Variants in ACVRL1 observed in about 807,000 individuals in gnomAD.
The protein encoded by ACVRL1 is activin receptor type-1-like.
A neutral mutation model predicts 51.9 loss-of-function variants in ACVRL1; 20 were observed. That is an observed-to-expected ratio of 0.39 (90% CI 0.27 to 0.56). ACVRL1 has a LOEUF of 0.56. Among genes scored for constraint, ACVRL1 ranks in the 20% least tolerant of loss-of-function variants. ACVRL1 has a pLI of 0.67. For missense variants in ACVRL1, 451 were observed against 670.3 expected, an observed-to-expected ratio of 0.67 and a Z score of 3.61; for synonymous variants, 288 against 280.9, an observed-to-expected ratio of 1.03 and a Z score of -0.25.
intron 8 of ACVRL1, 131 bp from the exon 9 acceptor site, chr12:51,918,854 C>T (rs1251379808): frequency 7.9e-7 from 1 of 1,263,748 alleles, no homozygotes; most frequent in Non-Finnish European, 1.2e-6. Context: ...TTATACTGTC[C>T]CTCTCAGGGG....
intron 4 of ACVRL1, 74 bp from the exon 5 acceptor site, chr12:51,913,900 G>A (rs1592222822): frequency 1.3e-6 from 2 of 1,575,582 alleles, no homozygotes; most frequent in Non-Finnish European, 1.7e-6. Flanking sequence ...GACCCAGCAG[G>A]TCCCAGGTCG....
At chr12:51,920,016 G>T (rs1022371532) in intron 9 of ACVRL1, among the ~76,000 whole-genome samples, 1 of 152,118 alleles carries the variant, frequency 6.6e-6, no homozygotes, top group Non-Finnish European at 1.5e-5. Flanking sequence ...ACATCTATGT[G>T]TACATAGACA....
chr12:51,908,705 T>C (rs1368812730), intron 1 of ACVRL1, among the ~76,000 whole-genome samples: 1 of 152,230 alleles, frequency 6.6e-6, no homozygotes, highest in Non-Finnish European at 1.5e-5. Flanking sequence ...CTCTGCTAAA[T>C]AATTGTACTA....
chr12:51,907,456 C>G (rs1377351417), upstream of ACVRL1: 5 of 152,214 alleles, frequency 3.3e-5, no homozygotes, highest in East Asian at 9.6e-4. The surrounding 1 kb of genome is among the most constrained non-coding windows in gnomAD (Gnocchi z 4.5). Flanking sequence ...GGAGCTGGGC[C>G]AGGCAGGAAG....
rs1359274534 is a variant in ACVRL1 at position 51,916,050 on chromosome 12, C to T, written c.1063C>T (p.His355Tyr). The T allele has an allele frequency of 6.2e-7, 1 of 1,612,686 alleles. No homozygotes were observed. Among genetic ancestry groups the T allele is most frequent in the Admixed American group, 1.7e-5 (1 of 59,972 alleles). The change falls in exon 8 of 10, where the codon CAC becomes TAC. Residue 355 changes from histidine (H) to tyrosine (Y), a missense_variant. Physicochemically the swap from His to Tyr is moderately conservative, Grantham distance 83. Around this residue, in one of 2 missense-constraint regions of ACVRL1, gnomAD observed 259 missense variants for 453.4 expected, o/e 0.57. Coordinates refer to ENST00000388922, the MANE Select transcript of ACVRL1 (RefSeq NM_000020.3). ...CACCCCCACAGGCCTGGCTGTGATG[C>T]ACTCACAGGGCAGCGATTACCTGGA... ...CIADLGLAVMHSQGSDYLDIG... is the reference protein window; with the variant it reads ...CIADLGLAVMYSQGSDYLDIG...
chr12:51,909,232 C>G (rs1203190255), intron 1 of ACVRL1, among the ~76,000 whole-genome samples: 2 of 152,168 alleles, frequency 1.3e-5, no homozygotes, highest in Non-Finnish European at 2.9e-5. Flanking sequence ...CTGGCTCTCC[C>G]CACCTGAGGC....
intron 1 of ACVRL1, among the ~76,000 whole-genome samples, chr12:51,908,725 TATGAG>T (rs761828320): frequency 1.3e-5 from 2 of 152,320 alleles, no homozygotes; most frequent in Non-Finnish European, 2.9e-5. Flanking sequence ...ACATTTTACC[TATGAG>T]ATAACACTAT....
In ACVRL1 at chr12:51,917,319, G is replaced by C. The variant is rs148124671; in HGVS notation, c.1246+1086G>C. On this transcript the variant is annotated intron_variant, in intron 8 of 9. Coordinates refer to ENST00000388922, the MANE Select transcript of ACVRL1 (RefSeq NM_000020.3). The surrounding 1 kb of genome is among the most constrained non-coding windows in gnomAD (Gnocchi z 4.2). The stretch of plus-strand genomic sequence containing the variant: ...CTGCACTGCCTGCTTATTGCTGCCT[G>C]GTTGTTACTGTGGGTTGCCACAGGG... Among the ~76,000 whole-genome samples the C allele has an allele frequency of 9.1e-3, 1,393 of 152,340 alleles. 21 individuals are homozygous for C. The highest frequency in any genetic ancestry group is 0.032 in the African/African-American group (1,330 of 41,576).
chr12:51,908,233 G>C (rs1286807792), intron 1 of ACVRL1, among the ~76,000 whole-genome samples: 1 of 152,164 alleles, frequency 6.6e-6, no homozygotes, highest in Non-Finnish European at 1.5e-5. Flanking sequence ...TCAGGATCCA[G>C]GCCAAAGGGG....
rs201850535 is a variant in ACVRL1, at chr12:51,916,152, T to C, written c.1165T>C (p.Cys389Arg). Residue 389 changes from cysteine (C) to arginine (R), a missense_variant, in exon 8 of 10, where the codon TGC becomes CGC. Physicochemically the swap from Cys to Arg is radical, Grantham distance 180. Coordinates refer to ENST00000388922, the MANE Select transcript of ACVRL1 (RefSeq NM_000020.3). ...EVLDEQIRTD[C>R]FESYKWTDIW... is the part of the protein sequence containing the mutation. ...GCTGGACGAGCAGATCCGCACGGAC[T>C]GCTTTGAGTCCTACAAGTGGACTGA... 3 of 1,614,202 alleles carry C rather than the reference T, an allele frequency of 1.9e-6. No homozygotes were observed. Among genetic ancestry groups the C allele is most frequent in the Admixed American group, 1.7e-5 (1 of 60,026 alleles).
chr12:51,915,602 AT>A (rs1346681419), intron 7 of ACVRL1, 102 bp downstream of exon 7: 1 of 1,430,620 alleles, frequency 7.0e-7, no homozygotes, highest in Non-Finnish European at 9.3e-7. Context: ...GCACTTGAAA[AT>A]TTAGAGGTGC....
intron 9 of ACVRL1, among the ~76,000 whole-genome samples, chr12:51,919,796 G>T (rs1356516781): frequency 6.6e-6 from 1 of 152,072 alleles, no homozygotes; most frequent in Non-Finnish European, 1.5e-5. Flanking sequence ...ACACACACAC[G>T]TATATCAACA....
At chr12:51,919,156 C>T (rs1156603421) in intron 9 of ACVRL1, 41 bp downstream of exon 9, 1 of 1,613,202 alleles carries the variant, frequency 6.2e-7, no homozygotes, top group African/African-American at 1.3e-5. Flanking sequence ...GGGGTGGTGG[C>T]TCATGGCTGG....
Position 51,912,764 on chromosome 12 carries a change from G to A in ACVRL1, c.61+229G>A, listed in dbSNP as rs1940718539. On this transcript the variant is annotated intron_variant, in intron 2 of 9. Coordinates refer to ENST00000388922, the MANE Select transcript of ACVRL1 (RefSeq NM_000020.3). ...GCAGGCTGGAGCTCTGTCAGACTAG[G>A]GTGGAAGCCTATATGTGGGGTGGAG... Among the ~76,000 whole-genome samples the A allele has an allele frequency of 3.3e-5, 5 of 152,108 alleles. No homozygotes were observed. In the South Asian group the frequency reaches 1.0e-3, roughly 32 times the overall value.
At position 51,920,940 on chromosome 12, in the gene ACVRL1, G is replaced by A; in HGVS notation, c.*47G>A. 1.4e-6 allele frequency: 1 copy of A among 709,292 alleles called. No individual in the cohort carries two copies. The highest frequency in any genetic ancestry group is 2.5e-6 in the Non-Finnish European group (1 of 401,452). 43.9% of individuals were successfully genotyped at this position (709,292 alleles called of 1,614,324 possible). ...TCTGCCTGCAGGGGGCTGGGGGGGT[G>A]GGGGGCAGTGGATGGTGCCCTATCT... On this transcript the variant is annotated 3_prime_UTR_variant, in exon 10 of 10. Coordinates refer to ENST00000388922, the MANE Select transcript of ACVRL1 (RefSeq NM_000020.3).
chr12:51,919,482 A>T (rs1940919950), intron 9 of ACVRL1: 1 of 337,710 alleles, frequency 3.0e-6, no homozygotes, highest in Non-Finnish European at 5.7e-6. Context: ...TGTAACCTCA[A>T]ACTCCTCGGC....
chr12:51,915,209 A>C lies in ACVRL1; in HGVS notation c.773-16A>C, dbSNP rs558099256. 6.2e-7 allele frequency: 1 copy of C among 1,613,648 alleles called. No homozygotes were observed. The highest frequency in any genetic ancestry group is 1.1e-5 in the South Asian group (1 of 91,042). ...CCCAGCCCCTTGGCTGAGTCACCCA[A>C]CCTTTCTGCACACAGGCTTCATCGC... On this transcript the variant is annotated splice_polypyrimidine_tract_variant and intron_variant, in intron 6 of 9. Transcript: ENST00000388922.
At chr12:51,913,927 C>T in intron 4 of ACVRL1, 47 bp from the exon 5 acceptor site, 1 of 1,599,234 alleles carries the variant, frequency 6.3e-7, no homozygotes, top group South Asian at 1.1e-5. Context: ...GAGAAGGGGG[C>T]TGTGGCTGGT....
chr12:51,912,118 C>T (rs1477320842), intron 1 of ACVRL1, among the ~76,000 whole-genome samples: 1 of 152,182 alleles, frequency 6.6e-6, no homozygotes, highest in Non-Finnish European at 1.5e-5. Flanking sequence ...AGAAGGGGAG[C>T]TGCTGGAGAG....
Sources: allele counts gnomAD v4.1 joint callset (sites outside exome capture counted in the v4.1 genomes callset), GRCh38; gene constraint gnomAD v4.1.1; regional missense constraint gnomAD v4.1.1; non-coding constraint Gnocchi (gnomAD v3.1); transcripts MANE v1.5; gene names NCBI Gene and HGNC (gene_info 2026-07-23, HGNC 2026-07-21).